The following DYNC1H1 variants were observed in gnomAD, a reference collection of about 807,000 sequenced individuals.
DYNC1H1 encodes the protein dynein cytoplasmic 1 heavy chain 1, also known as cytoplasmic dynein 1 heavy chain 1.
In DYNC1H1, 51 loss-of-function variants were observed where a neutral mutation model predicts 527.1. The ratio of observed to expected loss-of-function variants is 0.10; its 90% confidence interval spans 0.08 to 0.12. The LOEUF (loss-of-function observed/expected upper bound fraction) is 0.12, where lower values mean the gene tolerates loss of function less well. DYNC1H1 is among the 10% of genes least tolerant of loss of function. The probability of loss-of-function intolerance (pLI) is 1.00; values close to 1 mark genes in which losing one functional copy is unlikely to be tolerated. For synonymous variants in DYNC1H1, 2,189 were observed against 2,278.8 expected (o/e 0.96, Z 1.12); for missense variants, 2,771 against 5,971.8 (o/e 0.46, Z 17.66).
At chr14:102,014,486 C>T (rs113843579) in intron 34 of DYNC1H1, among the ~76,000 whole-genome samples, 2,721 of 151,006 alleles carry the variant, frequency 0.018, 24 homozygotes, top group Middle Eastern at 0.034. Flanking sequence ...GCTGAGATCA[C>T]GCCATTGCAT....
At position 102,017,541 on chromosome 14, in the gene DYNC1H1, G is replaced by A. The variant is rs745908797; in HGVS notation, c.8177+37G>A. The A allele has an allele frequency of 1.2e-6, 2 of 1,606,058 alleles. No individual in the cohort carries two copies. Among genetic ancestry groups the A allele is most frequent in the South Asian group, 1.1e-5 (1 of 90,708 alleles). On this transcript the variant is annotated intron_variant, in intron 40 of 77. Transcript: ENST00000360184. This position sits in a 1 kb window ranked among gnomAD's most constrained non-coding sequence, Gnocchi z 4.6. ...CGGTAGACTGCTCTGCTTCACACAC[G>A]CACAGCTCCAGGATTGCTGTAAACA...
At chr14:102,043,542 T>C in intron 69 of DYNC1H1, 1 of 377,454 alleles carries the variant, frequency 2.6e-6, no homozygotes, top group Admixed American at 3.8e-5. Context: ...AGACCGAAAC[T>C]CTTGGGCGAG....
At chr14:101,966,136 G>T (rs1157780244) in intron 1 of DYNC1H1, among the ~76,000 whole-genome samples, 1 of 152,228 alleles carries the variant, frequency 6.6e-6, no homozygotes, top group African/African-American at 2.4e-5. Context: ...TTCTCTCAGT[G>T]AGAGACCCTG....
At chr14:101,975,251 T>C (rs1226575797) in intron 1 of DYNC1H1, among the ~76,000 whole-genome samples, 2 of 152,230 alleles carry the variant, frequency 1.3e-5, no homozygotes, top group South Asian at 2.1e-4. Flanking sequence ...GTATGATAGC[T>C]GTAAAGTGCT....
rs917757353 is a variant in DYNC1H1 at position 102,036,730 on chromosome 14, A to G, written c.10908+88A>G. 35 of 1,518,572 alleles carry G rather than the reference A, an allele frequency of 2.3e-5. No homozygotes were observed. Among genetic ancestry groups the G allele is most frequent in the African/African-American group, 6.9e-5 (5 of 72,774 alleles). The allele number at this position is 1,518,572 out of a possible 1,614,324, so 94.1% of individuals were successfully genotyped here. On this transcript the variant is annotated intron_variant, in intron 57 of 77. Transcript: ENST00000360184. This position sits in a 1 kb window ranked among gnomAD's most constrained non-coding sequence, Gnocchi z 5.6. ...TGCCTTTAGTTTTCAACTTTGTAAG[A>G]CTTCATTTTGTATCAGAAGGATAAA...
intron 1 of DYNC1H1, among the ~76,000 whole-genome samples, chr14:101,975,007 T>A (rs2047784699): frequency 6.6e-6 from 1 of 152,220 alleles, no homozygotes. Flanking sequence ...CGAATGCTTC[T>A]CAGTGACCCT....
chr14:101,987,723 C>T, intron 9 of DYNC1H1, 91 bp downstream of exon 9: 1 of 1,445,552 alleles, frequency 6.9e-7, no homozygotes, highest in Non-Finnish European at 9.6e-7. Context: ...AGCATTTTTC[C>T]TTGGAAATTA....
Position 102,012,193 on chromosome 14 carries a change from G to A in DYNC1H1, c.6857+80G>A, listed in dbSNP as rs1490266696. 5.6e-6 allele frequency: 9 copies of A among 1,610,194 alleles called. No individual in the cohort carries two copies. Among genetic ancestry groups the A allele is most frequent in the African/African-American group, 2.7e-5 (2 of 74,848 alleles). ...TTGCTCTCACAAGAGCAGAGTATAC[G>A]TTATTTTTCAACCAAAGTCTGAGCA... is the stretch of plus-strand genomic sequence containing the variant. On this transcript the variant is annotated intron_variant, in intron 33 of 77. Coordinates refer to ENST00000360184, the MANE Select transcript of DYNC1H1 (RefSeq NM_001376.5). The surrounding 1 kb of genome is among the most constrained non-coding windows in gnomAD (Gnocchi z 4.9).
At chr14:101,974,860 G>A (rs1333225150) in intron 1 of DYNC1H1, among the ~76,000 whole-genome samples, 1 of 152,208 alleles carries the variant, frequency 6.6e-6, no homozygotes, top group Non-Finnish European at 1.5e-5. Flanking sequence ...TGACTACTGT[G>A]TGCATGTTGT....
chr14:102,041,483 G>A lies in DYNC1H1; in HGVS notation c.11942-91G>A. ...TCCTGAAATGCTGAGCATTTGCTGA[G>A]TGGGTACTTTGGGAAGAACAGTCCA... On this transcript the variant is annotated intron_variant, in intron 64 of 77. Transcript: ENST00000360184. The surrounding 1 kb of genome is among the most constrained non-coding windows in gnomAD (Gnocchi z 4.5). 1.3e-6 allele frequency: 2 copies of A among 1,593,386 alleles called. No homozygotes were observed. The highest frequency in any genetic ancestry group is 1.7e-6 in the Non-Finnish European group (2 of 1,164,908).
rs2048246958 is a variant in DYNC1H1, at chr14:102,010,588, A to G, written c.6405+129A>G. ...CTTGGGATGGCTGAAATAGACTGTA[A>G]TGTTGACCCAGTGAGTCGAGTGCAC... is the stretch of plus-strand genomic sequence containing the variant. On this transcript the variant is annotated intron_variant, in intron 31 of 77. Transcript: ENST00000360184. This position sits in a 1 kb window ranked among gnomAD's most constrained non-coding sequence, Gnocchi z 6.0. 6.7e-7 allele frequency: 1 copy of G among 1,500,790 alleles called. No homozygotes were observed. Among genetic ancestry groups the G allele is most frequent in the Non-Finnish European group, 9.1e-7 (1 of 1,099,014 alleles). 93.0% of individuals were successfully genotyped at this position (1,500,790 alleles called of 1,614,324 possible).
Position 102,027,726 on chromosome 14 carries a change from G to A in DYNC1H1, c.9156G>A (p.Lys3052=). The A allele has an allele frequency of 6.2e-7, 1 of 1,614,192 alleles. No individual in the cohort carries two copies. ...TGGACTCGCACGAGGAGCTCTACAA[G>A]TGGTTCACTAGCCAGGTTATCCGCA... ...LMLDSHEELY[K]WFTSQVIRNL... is the part of the protein sequence containing the mutation. The change falls in exon 47 of 78, where the codon AAG becomes AAA. Residue 3052 remains lysine, a synonymous_variant. Coordinates refer to ENST00000360184, the MANE Select transcript of DYNC1H1 (RefSeq NM_001376.5). The surrounding 1 kb of genome is among the most constrained non-coding windows in gnomAD (Gnocchi z 7.7).
intron 16 of DYNC1H1, among the ~76,000 whole-genome samples, chr14:101,998,718 G>A (rs2048093472): frequency 6.6e-6 from 1 of 152,028 alleles, no homozygotes; most frequent in African/African-American, 2.4e-5. Context: ...TGATTTGATG[G>A]TCTCTGCTTT....
At position 101,984,369 on chromosome 14, in the gene DYNC1H1, G is replaced by T. The variant is rs530708011; in HGVS notation, c.1461+760G>T. 7.3e-3 allele frequency among the ~76,000 whole-genome samples: 651 copies of T among 88,620 alleles called. 5 individuals carry two copies. Among genetic ancestry groups the T allele is most frequent in the African/African-American group, 0.047 (625 of 13,430 alleles). The allele number at this position is 88,620 out of a possible 152,430, so 58.1% of individuals were successfully genotyped here. ...CTTTAAGATCTAGTGATTCTGTATTGTGTGTGTGTGTGTATATATATATGC... is the reference window on the plus strand; with the variant it reads ...CTTTAAGATCTAGTGATTCTGTATTTTGTGTGTGTGTGTATATATATATGC... On this transcript the variant is annotated intron_variant, in intron 7 of 77. Transcript: ENST00000360184.
chr14:102,003,941 G>A (rs751639440), intron 23 of DYNC1H1, among the ~76,000 whole-genome samples: 2 of 134,820 alleles, frequency 1.5e-5, no homozygotes, highest in Non-Finnish European at 3.2e-5. Flanking sequence ...ATAAAAAAGA[G>A]TTAATAAAGT....
At chr14:102,050,385 GT>G in intron 77 of DYNC1H1, 49 bp from the exon 78 acceptor site, 2 of 1,614,110 alleles carry the variant, frequency 1.2e-6, no homozygotes, top group Non-Finnish European at 1.7e-6. Context: ...CAGTCTTCCA[GT>G]TTTCTTACTT....
intron 10 of DYNC1H1, among the ~76,000 whole-genome samples, chr14:101,990,914 C>T (rs544789951): frequency 6.7e-6 from 1 of 149,870 alleles, no homozygotes; most frequent in Non-Finnish European, 1.5e-5. Context: ...GAGGCTGAGA[C>T]AGGAGAATCG....
intron 1 of DYNC1H1, among the ~76,000 whole-genome samples, chr14:101,967,008 C>A (rs2047675285): frequency 6.6e-6 from 1 of 152,202 alleles, no homozygotes; most frequent in Admixed American, 6.6e-5. Flanking sequence ...AATCCTACCT[C>A]ATTTCTGTAT....
chr14:101,991,518 C>T lies in DYNC1H1; in HGVS notation c.2869-9C>T. The T allele has an allele frequency of 6.2e-7, 1 of 1,614,146 alleles. No homozygotes were observed. Among genetic ancestry groups the T allele is most frequent in the Non-Finnish European group, 8.5e-7 (1 of 1,180,016 alleles). On this transcript the variant is annotated splice_polypyrimidine_tract_variant and intron_variant, in intron 10 of 77. Coordinates refer to ENST00000360184, the MANE Select transcript of DYNC1H1 (RefSeq NM_001376.5). ...ATTGCTGAGTAGAAATGAAACCTTT[C>T]TTTCACAGAATGTCGTTCATGAGCT...
Sources: allele counts gnomAD v4.1 joint callset (sites outside exome capture counted in the v4.1 genomes callset), GRCh38; gene constraint gnomAD v4.1.1; non-coding constraint Gnocchi (gnomAD v3.1); transcripts MANE v1.5; gene names NCBI Gene and HGNC (gene_info 2026-07-23, HGNC 2026-07-21).